ATP8A2: variants seen among roughly 807,000 people sequenced by gnomAD.
ATP8A2 encodes phospholipid-transporting ATPase IB.
In ATP8A2, 100 loss-of-function variants were observed where a neutral mutation model predicts 165.6. The ratio of observed to expected loss-of-function variants is 0.60; its 90% confidence interval spans 0.51 to 0.71. The LOEUF (loss-of-function observed/expected upper bound fraction) is 0.71. Ranked by LOEUF, ATP8A2 falls within the 30% of genes least tolerant of loss-of-function variation. ATP8A2 has a pLI of 0.00. For missense variants in ATP8A2, 1,227 were observed against 1,479.5 expected (o/e 0.83, Z 2.80); for synonymous variants, 543 against 548.8 (o/e 0.99, Z 0.15).
chr13:25,847,358 C>T (rs569032035), intron 30 of ATP8A2, among the ~76,000 whole-genome samples: 1 of 152,318 alleles, frequency 6.6e-6, no homozygotes, highest in African/African-American at 2.4e-5. Flanking sequence ...TTATGAACTG[C>T]GGTAAAGCTC....
intron 24 of ATP8A2, among the ~76,000 whole-genome samples, chr13:25,692,398 T>C (rs560407426): frequency 8.3e-4 from 127 of 152,128 alleles, no homozygotes; most frequent in African/African-American, 2.7e-3. Flanking sequence ...ATCTAGGAAA[T>C]CCCTCGTGGC....
intron 2 of ATP8A2, among the ~76,000 whole-genome samples, chr13:25,481,029 G>A (rs1033216703): frequency 3.1e-4 from 47 of 152,262 alleles, no homozygotes; most frequent in Non-Finnish European, 4.1e-4. Flanking sequence ...GGCAGCGCGC[G>A]CCTGCAATCA....
intron 33 of ATP8A2, among the ~76,000 whole-genome samples, chr13:25,912,627 T>A (rs1270223791): frequency 6.6e-6 from 1 of 152,220 alleles, no homozygotes; most frequent in East Asian, 1.9e-4. Flanking sequence ...TATTCGTGAA[T>A]CATGGCATCA....
chr13:25,728,774 A>T (rs942643448), intron 25 of ATP8A2, among the ~76,000 whole-genome samples: 2 of 152,126 alleles, frequency 1.3e-5, no homozygotes, highest in African/African-American at 4.8e-5. Context: ...ACCCCTGCAG[A>T]CTTTTGATTA....
chr13:25,399,654 G>A (rs140135546), intron 1 of ATP8A2, among the ~76,000 whole-genome samples: 4,909 of 148,756 alleles, frequency 0.033, 185 homozygotes, highest in East Asian at 0.18. Context: ...CGCCCGCCTC[G>A]GCCTCCCAAA....
At chr13:25,682,478 G>A (rs915713395) in intron 24 of ATP8A2, among the ~76,000 whole-genome samples, 3 of 152,142 alleles carry the variant, frequency 2.0e-5, no homozygotes, top group African/African-American at 7.2e-5. Flanking sequence ...CATCTGTCAT[G>A]AAGACTCTTA....
intron 33 of ATP8A2, among the ~76,000 whole-genome samples, chr13:25,931,195 A>T (rs1364353516): frequency 1.3e-5 from 2 of 152,214 alleles, no homozygotes; most frequent in African/African-American, 4.8e-5. Flanking sequence ...CAAAACACAG[A>T]TGCATAGAAC....
intron 1 of ATP8A2, among the ~76,000 whole-genome samples, chr13:25,450,313 T>C (rs2035178700): frequency 6.6e-6 from 1 of 152,246 alleles, no homozygotes. Context: ...AATAAAATGA[T>C]ATAAATTCCT....
chr13:25,678,401 A>G (rs2042415161), intron 24 of ATP8A2, among the ~76,000 whole-genome samples: 1 of 146,654 alleles, frequency 6.8e-6, no homozygotes, highest in Non-Finnish European at 1.5e-5. Context: ...AGTTTATAGG[A>G]TTAAAAGGCC....
chr13:25,496,610 A>G, intron 2 of ATP8A2, among the ~76,000 whole-genome samples: 1 of 152,214 alleles, frequency 6.6e-6, no homozygotes, highest in East Asian at 1.9e-4. Flanking sequence ...TAGTGCCCAG[A>G]ACACTTCGGG....
chr13:25,868,428 A>G (rs1192614153), intron 33 of ATP8A2, among the ~76,000 whole-genome samples: 1 of 152,210 alleles, frequency 6.6e-6, no homozygotes, highest in African/African-American at 2.4e-5. Context: ...TCAAGGAGGA[A>G]GTCCTATCAG....
intron 2 of ATP8A2, among the ~76,000 whole-genome samples, chr13:25,512,963 AC>A (rs1287358454): frequency 1.0e-5 from 1 of 98,292 alleles, no homozygotes; most frequent in Admixed American, 1.1e-4. Context: ...TGGGGGGCTG[AC>A]CCCCCCACCT....
At chr13:25,384,808 G>A (rs1415438470) in intron 1 of ATP8A2, among the ~76,000 whole-genome samples, 6 of 152,046 alleles carry the variant, frequency 3.9e-5, no homozygotes, top group Admixed American at 6.6e-5. Context: ...TTTTCTTGGT[G>A]TTCATGAATC....
chr13:25,791,264 G>A (rs1047065939), intron 27 of ATP8A2, among the ~76,000 whole-genome samples: 14 of 152,010 alleles, frequency 9.2e-5, no homozygotes, highest in East Asian at 5.8e-4. Flanking sequence ...GGCCATTATC[G>A]TTGGCAAACT....
intron 1 of ATP8A2, among the ~76,000 whole-genome samples, chr13:25,405,688 T>C (rs1483783915): frequency 6.6e-6 from 1 of 152,148 alleles, no homozygotes; most frequent in East Asian, 1.9e-4. Context: ...TTCTGGATCA[T>C]GAGTTTTGAA....
At chr13:25,798,047 AT>A (rs987935854) in intron 27 of ATP8A2, among the ~76,000 whole-genome samples, 44 of 152,076 alleles carry the variant, frequency 2.9e-4, no homozygotes, top group African/African-American at 1.1e-3. Context: ...TCCATGATTA[AT>A]TTTTTTTCAA....
intron 24 of ATP8A2, among the ~76,000 whole-genome samples, chr13:25,644,844 T>C (rs2041629227): frequency 6.6e-6 from 1 of 152,300 alleles, no homozygotes; most frequent in Non-Finnish European, 1.5e-5. Context: ...GGAATATAAT[T>C]TGTTCATAAT....
chr13:25,705,216 A>T (rs1315230413), intron 25 of ATP8A2: 1 of 421,130 alleles, frequency 2.4e-6, no homozygotes, highest in African/African-American at 2.1e-5. Context: ...CTACCAGGGG[A>T]GAGGACTTTG....
At chr13:25,422,628 C>T (rs1185723140) in intron 1 of ATP8A2, among the ~76,000 whole-genome samples, 2 of 152,154 alleles carry the variant, frequency 1.3e-5, no homozygotes, top group Non-Finnish European at 2.9e-5. Context: ...GCCTACATAA[C>T]ACACACAGAG....
Sources: gnomAD v4.1 joint callset for allele counts (sites outside exome capture counted in the v4.1 genomes callset) on GRCh38, gnomAD v4.1.1 for gene constraint, MANE v1.5 for transcripts, NCBI Gene and HGNC (gene_info 2026-07-23, HGNC 2026-07-21) for gene names.